The following SORCS3 variants were observed in gnomAD, a reference collection of about 807,000 sequenced individuals.
SORCS3 encodes the protein sortilin related VPS10 domain containing receptor 3.
Under a neutral mutation model 146.3 loss-of-function variants are expected in SORCS3, and 57 were observed. The observed-to-expected ratio is 0.39, with a 90% CI of 0.31 to 0.49. SORCS3 has a LOEUF of 0.49. Among genes scored for constraint, SORCS3 ranks in the 20% least tolerant of loss-of-function variants. SORCS3 has a pLI of 0.92. For missense variants in SORCS3, 1,341 were observed against 1,575.5 expected, an observed-to-expected ratio of 0.85 and a Z score of 2.52; for synonymous variants, 653 against 618.5, an observed-to-expected ratio of 1.06 and a Z score of -0.83.
intron 3 of SORCS3, among the ~76,000 whole-genome samples, chr10:104,964,752 T>C (rs1477798131): frequency 6.6e-6 from 1 of 152,174 alleles, no homozygotes; most frequent in African/African-American, 2.4e-5. Context: ...TTTGCCGTCT[T>C]CCCATTTTTA....
At chr10:105,032,143 G>A (rs879373000) in intron 4 of SORCS3, among the ~76,000 whole-genome samples, 15 of 152,162 alleles carry the variant, frequency 9.9e-5, no homozygotes, top group South Asian at 2.1e-4. Context: ...AGTGAGCCAC[G>A]ATTGCGCCAC....
At chr10:105,216,131 T>C (rs1225496629) in intron 18 of SORCS3, among the ~76,000 whole-genome samples, 1 of 152,054 alleles carries the variant, frequency 6.6e-6, no homozygotes, top group Non-Finnish European at 1.5e-5. Flanking sequence ...GAGACAGAGA[T>C]ATCTGTGAAC....
chr10:105,071,920 C>T (rs747287279), intron 5 of SORCS3, among the ~76,000 whole-genome samples: 1 of 152,096 alleles, frequency 6.6e-6, no homozygotes, highest in Non-Finnish European at 1.5e-5. Context: ...CTTGAAAGCT[C>T]ATTGGTTTTA....
intron 24 of SORCS3, 80 bp from the exon 25 acceptor site, chr10:105,256,739 C>T (rs1366142893): frequency 1.1e-5 from 11 of 1,044,096 alleles, no homozygotes; most frequent in Non-Finnish European, 1.6e-5. Flanking sequence ...TGGCCTCCTT[C>T]CTGCAATGAA....
intron 4 of SORCS3, among the ~76,000 whole-genome samples, chr10:105,000,861 G>T (rs548983328): frequency 6.6e-6 from 1 of 152,222 alleles, no homozygotes; most frequent in East Asian, 1.9e-4. Context: ...TCCTTATGTA[G>T]GTATTATCAC....
In SORCS3 at chr10:105,190,529, G is replaced by A. The variant is rs141060673; in HGVS notation, c.2010-9470G>A. Among the ~76,000 whole-genome samples the A allele has an allele frequency of 5.3e-5, 8 of 152,292 alleles. No individual in the cohort carries two copies. In the East Asian group the frequency reaches 1.5e-3, roughly 29 times the overall value. On this transcript the variant is annotated intron_variant, in intron 14 of 26. Coordinates refer to ENST00000369701, the MANE Select transcript of SORCS3 (RefSeq NM_014978.3). The stretch of plus-strand genomic sequence containing the variant: ...TTCTCCTGCTTTAGCCTCCTGAGTG[G>A]CTGGGATTACAGGTGCGTGCCACCA...
chr10:104,997,351 C>T (rs550603253), intron 4 of SORCS3, among the ~76,000 whole-genome samples: 1 of 152,288 alleles, frequency 6.6e-6, no homozygotes, highest in South Asian at 2.1e-4. Flanking sequence ...TTTTGCCTTT[C>T]ATCAATTTCA....
At chr10:104,730,819 A>G (rs1322359282) in intron 1 of SORCS3, among the ~76,000 whole-genome samples, 1 of 152,162 alleles carries the variant, frequency 6.6e-6, no homozygotes, top group East Asian at 1.9e-4. Context: ...TCTCTTGAGA[A>G]CTCACTCACT....
At chr10:105,140,759 G>A (rs1190378876) in intron 8 of SORCS3, among the ~76,000 whole-genome samples, 2 of 152,134 alleles carry the variant, frequency 1.3e-5, no homozygotes, top group Non-Finnish European at 2.9e-5. Context: ...GGCTGATAAG[G>A]TCAGCAGAGA....
At chr10:105,151,145 C>A (rs1670031) in intron 9 of SORCS3, among the ~76,000 whole-genome samples, 5,391 of 152,098 alleles carry the variant, frequency 0.035, 304 homozygotes, top group African/African-American at 0.12. Flanking sequence ...TGTGGAGTTA[C>A]AAAAGAATAA....
intron 1 of SORCS3, among the ~76,000 whole-genome samples, chr10:104,756,704 G>A (rs530696237): frequency 2.4e-4 from 36 of 152,262 alleles, no homozygotes; most frequent in Non-Finnish European, 3.7e-4. Context: ...GCATCCAGGC[G>A]GGCCTCAGAT....
intron 1 of SORCS3, among the ~76,000 whole-genome samples, chr10:104,718,077 C>T (rs565249287): frequency 4.9e-4 from 75 of 152,128 alleles, no homozygotes; most frequent in Middle Eastern, 3.4e-3. Context: ...ACCTGGGAGG[C>T]GGAGGTTGTG....
intron 2 of SORCS3, among the ~76,000 whole-genome samples, chr10:104,856,633 C>T (rs2018337270): frequency 6.9e-6 from 1 of 144,514 alleles, no homozygotes; most frequent in Admixed American, 7.0e-5. Context: ...TAAATATAAA[C>T]AATTAGAGGC....
At chr10:105,122,011 T>C (rs1169835330) in intron 7 of SORCS3, among the ~76,000 whole-genome samples, 2 of 152,128 alleles carry the variant, frequency 1.3e-5, no homozygotes, top group African/African-American at 4.8e-5. Context: ...CTCCCCATTT[T>C]CCTTCCCTTC....
chr10:104,880,623 G>GTTA (rs957512581), intron 2 of SORCS3, among the ~76,000 whole-genome samples: 33 of 69,784 alleles, frequency 4.7e-4, no homozygotes, highest in Non-Finnish European at 8.0e-4. Context: ...CCCGTAGGTT[G>GTTA]CTACTTCTGC....
chr10:105,180,886 C>T (rs545431280), intron 14 of SORCS3, among the ~76,000 whole-genome samples: 7 of 152,258 alleles, frequency 4.6e-5, no homozygotes, highest in African/African-American at 1.2e-4. Flanking sequence ...TGGGTTCCCA[C>T]GCTCTATGTT....
intron 1 of SORCS3, among the ~76,000 whole-genome samples, chr10:104,667,702 GTGT>G (rs1055884036): frequency 3.3e-5 from 5 of 152,324 alleles, no homozygotes; most frequent in African/African-American, 1.2e-4. Flanking sequence ...GGCCAATCCT[GTGT>G]TGTTCTACAG....
intron 1 of SORCS3, among the ~76,000 whole-genome samples, chr10:104,835,149 T>C (rs1336222163): frequency 6.6e-6 from 1 of 152,080 alleles, no homozygotes; most frequent in Non-Finnish European, 1.5e-5. Flanking sequence ...GTACTGTGGG[T>C]CAGTTGGGTT....
At chr10:104,883,979 G>GGC (rs113173733) in intron 2 of SORCS3, among the ~76,000 whole-genome samples, 34 of 149,130 alleles carry the variant, frequency 2.3e-4, no homozygotes, top group Non-Finnish European at 4.3e-4. Flanking sequence ...GTGGAATGAG[G>GGC]GGGGGGAAAG....
Sources: allele counts gnomAD v4.1 joint callset (sites outside exome capture counted in the v4.1 genomes callset), GRCh38; gene constraint gnomAD v4.1.1; transcripts MANE v1.5; gene names NCBI Gene and HGNC (gene_info 2026-07-23, HGNC 2026-07-21).